TAF12: variants seen among roughly 807,000 people sequenced by gnomAD.
TAF12 encodes the protein TATA-box binding protein associated factor 12.
Under a neutral mutation model 20.8 loss-of-function variants are expected in TAF12, and 3 were observed. The ratio of observed to expected loss-of-function variants is 0.14; its 90% CI spans 0.07 to 0.37. The LOEUF (loss-of-function observed/expected upper bound fraction) is 0.37. Ranked by LOEUF, TAF12 falls within the 10% of genes least tolerant of loss-of-function variation. TAF12 has a pLI of 1.00. For synonymous variants in TAF12, 69 were observed against 70.2 expected (o/e 0.98, Z 0.09); for missense variants, 131 against 197.9 (o/e 0.66, Z 2.03).
chr1:28,608,081 G>A (rs1455976655), intron 4 of TAF12, among the ~76,000 whole-genome samples: 4 of 150,354 alleles, frequency 2.7e-5, no homozygotes, highest in East Asian at 2.0e-4. Flanking sequence ...CCTGTAATCC[G>A]AGCACTTTGG....
intron 1 of TAF12, 149 bp from the exon 2 acceptor site, chr1:28,622,314 G>T: frequency 1.2e-5 from 5 of 434,282 alleles, no homozygotes; most frequent in Non-Finnish European, 1.3e-5. Flanking sequence ...GAGCCCAGTA[G>T]TTCAAGACCA....
intron 5 of TAF12, among the ~76,000 whole-genome samples, chr1:28,604,812 G>A (rs185153143): frequency 6.6e-6 from 1 of 152,302 alleles, no homozygotes; most frequent in Non-Finnish European, 1.5e-5. Flanking sequence ...CAACACTGCT[G>A]TTGGACTGAC....
At chr1:28,612,155 T>C (rs1333337986) in intron 4 of TAF12, among the ~76,000 whole-genome samples, 1 of 152,104 alleles carries the variant, frequency 6.6e-6, no homozygotes, top group Admixed American at 6.6e-5. Context: ...CCTGTCTCTA[T>C]AGTTATAGAC....
chr1:28,613,164 G>A (rs1570302242), intron 4 of TAF12, 83 bp downstream of exon 4: 1 of 1,159,064 alleles, frequency 8.6e-7, no homozygotes, highest in South Asian at 1.7e-5. Context: ...GTTCTGGCAT[G>A]AAGGTTCCTC....
intron 2 of TAF12, 34 bp downstream of exon 2, chr1:28,621,880 T>C (rs1181267468): frequency 1.2e-6 from 2 of 1,605,956 alleles, no homozygotes; most frequent in Non-Finnish European, 1.7e-6. Context: ...AGGTAAGAAG[T>C]GGCTACAGAG....
chr1:28,605,817 TA>T (rs1299482841), intron 4 of TAF12, among the ~76,000 whole-genome samples: 1 of 152,140 alleles, frequency 6.6e-6, no homozygotes, highest in Non-Finnish European at 1.5e-5. Flanking sequence ...TATATTTCTT[TA>T]AGACGGAATT....
chr1:28,612,549 T>C, intron 4 of TAF12, among the ~76,000 whole-genome samples: 1 of 145,694 alleles, frequency 6.9e-6, no homozygotes, highest in South Asian at 2.1e-4. Flanking sequence ...TAAATATATA[T>C]ACACACATAA....
chr1:28,605,320 G>GT, intron 5 of TAF12, 52 bp downstream of exon 5: 2 of 1,588,508 alleles, frequency 1.3e-6, no homozygotes, highest in Non-Finnish European at 1.7e-6. Flanking sequence ...ACTCTGAGAC[G>GT]TAACTCAAGG....
chr1:28,640,153 T>C (rs1411372383), intron 1 of TAF12, among the ~76,000 whole-genome samples: 1 of 152,198 alleles, frequency 6.6e-6, no homozygotes, highest in Non-Finnish European at 1.5e-5. Context: ...CAAATTAGTC[T>C]TTCTTGGCCT....
chr1:28,626,147 T>A (rs957129378), intron 1 of TAF12, among the ~76,000 whole-genome samples: 2 of 151,660 alleles, frequency 1.3e-5, no homozygotes, highest in African/African-American at 4.8e-5. Context: ...CCTGGCAGAT[T>A]TTTGTATTTT....
Position 28,637,193 on chromosome 1 carries a change from T to C in TAF12, c.-85+5799A>G, listed in dbSNP as rs546852585. On this transcript the variant is annotated intron_variant, in intron 1 of 5. Coordinates refer to ENST00000373824, the MANE Select transcript of TAF12 (RefSeq NM_005644.4). ...CAAGAGGGCTGGATGCCATCTTTGG[T>C]CAGTTTCCACATCTGTAATTAGGAG... 2.6e-5 allele frequency among the ~76,000 whole-genome samples: 4 copies of C among 152,290 alleles called. No homozygotes were observed. The East Asian group carries it at 5.8e-4, about 22-fold the overall frequency.
chr1:28,605,783 G>A (rs1666645731), intron 4 of TAF12, among the ~76,000 whole-genome samples: 1 of 152,064 alleles, frequency 6.6e-6, no homozygotes. Context: ...ATGCCACCAT[G>A]GCCAGCTAAT....
chr1:28,603,415 G>T lies in TAF12; in HGVS notation c.*124C>A. The T allele has an allele frequency of 9.8e-7, 1 of 1,024,470 alleles. No homozygotes were observed. The highest frequency in any genetic ancestry group is 1.4e-5 in the South Asian group (1 of 69,040). The allele number at this position is 1,024,470 out of a possible 1,614,324, so 63.5% of individuals were successfully genotyped here. ...CAGTCATTATAGATATTGCTGCACT[G>T]TTAATAAAAAATATATGCTTCTCTG... On this transcript the variant is annotated 3_prime_UTR_variant, in exon 6 of 6. Transcript: ENST00000373824.
chr1:28,616,591 AGGTGT>A (rs1441566138), intron 3 of TAF12, among the ~76,000 whole-genome samples: 1 of 151,384 alleles, frequency 6.6e-6, no homozygotes, highest in Non-Finnish European at 1.5e-5. Flanking sequence ...AAAATTAGCC[AGGTGT>A]GGTGGCACAT....
At chr1:28,647,596 G>A (rs1288277961), upstream of TAF12, among the ~76,000 whole-genome samples, 4 of 152,286 alleles carry the variant, frequency 2.6e-5, no homozygotes, top group South Asian at 2.1e-4. Context: ...GGAACAGGCC[G>A]GGCACGGTGG....
intron 2 of TAF12, among the ~76,000 whole-genome samples, chr1:28,621,176 G>A (rs1667211122): frequency 6.6e-6 from 1 of 152,108 alleles, no homozygotes; most frequent in Non-Finnish European, 1.5e-5. Flanking sequence ...ATTCAACATA[G>A]GTTGATATCC....
chr1:28,627,886 C>G (rs1022083052), intron 1 of TAF12, among the ~76,000 whole-genome samples: 1 of 151,952 alleles, frequency 6.6e-6, no homozygotes, highest in Non-Finnish European at 1.5e-5. Flanking sequence ...CCAGACACCC[C>G]CTGGTGCCAG....
At chr1:28,607,306 A>G (rs987532454) in intron 4 of TAF12, among the ~76,000 whole-genome samples, 1 of 152,060 alleles carries the variant, frequency 6.6e-6, no homozygotes. Context: ...CCAAGACGGG[A>G]AGACTGCTTG....
At chr1:28,626,166 G>A (rs981412523) in intron 1 of TAF12, among the ~76,000 whole-genome samples, 1 of 151,116 alleles carries the variant, frequency 6.6e-6, no homozygotes, top group Non-Finnish European at 1.5e-5. Context: ...TTTAGTAGAG[G>A]AGGGGTTTCA....
Sources: allele counts gnomAD v4.1 joint callset (sites outside exome capture counted in the v4.1 genomes callset), GRCh38; gene constraint gnomAD v4.1.1; transcripts MANE v1.5; gene names NCBI Gene and HGNC (gene_info 2026-07-23, HGNC 2026-07-21).